The following SEC63 variants were observed in gnomAD, a reference collection of about 807,000 sequenced individuals.
The protein encoded by SEC63 is SEC63 protein translocation regulator, also known as translocation protein SEC63 homolog.
Under a neutral mutation model 116.2 loss-of-function variants are expected in SEC63, and 56 were observed. That is an observed-to-expected ratio of 0.48 (90% CI 0.39 to 0.60). The LOEUF (loss-of-function observed/expected upper bound fraction) is 0.60, where lower values mean the gene tolerates loss of function less well. Among genes scored for constraint, SEC63 ranks in the 20% least tolerant of loss-of-function variants. SEC63 has a pLI of 0.00. For missense variants in SEC63, 668 were observed against 900.0 expected (o/e 0.74, Z 3.30); for synonymous variants, 273 against 294.6 (o/e 0.93, Z 0.75).
rs1340511139 is a variant in SEC63 at position 107,912,731 on chromosome 6, C to T, written c.558G>A (p.Gln186=). ...GIALPAWIVD[Q]KNSILVLLVY... The stretch of plus-strand genomic sequence containing the variant: ...ATGCACTCACCAGAATTGAGTTTTT[C>T]TGGTCAACTATCCAAGCTGGCAGGG... Residue 186 remains glutamine, a synonymous_variant, in exon 6 of 21, where the codon CAG becomes CAA. Coordinates refer to ENST00000369002, the MANE Select transcript of SEC63 (RefSeq NM_007214.5). 1 of 1,610,254 alleles carries T rather than the reference C, an allele frequency of 6.2e-7. No individual in the cohort carries two copies. The highest frequency in any genetic ancestry group is 1.1e-5 in the South Asian group (1 of 90,938).
At chr6:107,896,627 C>G (rs1786838497) in intron 14 of SEC63, among the ~76,000 whole-genome samples, 1 of 152,122 alleles carries the variant, frequency 6.6e-6, no homozygotes, top group Non-Finnish European at 1.5e-5. Context: ...GAAGACGACA[C>G]ACAACAAGAT....
At chr6:107,905,488 G>A (rs772749298) in intron 10 of SEC63, among the ~76,000 whole-genome samples, 1 of 152,208 alleles carries the variant, frequency 6.6e-6, no homozygotes, top group East Asian at 1.9e-4. Flanking sequence ...CCTAGAGGTA[G>A]TAACTGTCTT....
intron 1 of SEC63, among the ~76,000 whole-genome samples, chr6:107,943,801 A>G (rs932434363): frequency 2.4e-4 from 36 of 152,334 alleles, no homozygotes; most frequent in Admixed American, 2.3e-3. Flanking sequence ...TGGAATGGAA[A>G]CAGCAAAGTG....
chr6:107,910,610 T>C (rs143641907), intron 7 of SEC63, among the ~76,000 whole-genome samples: 2 of 152,266 alleles, frequency 1.3e-5, no homozygotes, highest in East Asian at 1.9e-4. Flanking sequence ...ACACGTGTCA[T>C]ACATATATGC....
intron 13 of SEC63, among the ~76,000 whole-genome samples, chr6:107,899,733 G>T (rs1351657808): frequency 2.0e-5 from 3 of 151,094 alleles, no homozygotes; most frequent in Non-Finnish European, 1.5e-5. Flanking sequence ...AAAAAGAAAA[G>T]AAAAGAAAAG....
At chr6:107,925,968 C>T (rs1021061533) in intron 2 of SEC63, among the ~76,000 whole-genome samples, 7 of 152,120 alleles carry the variant, frequency 4.6e-5, no homozygotes, top group Non-Finnish European at 8.8e-5. Flanking sequence ...CAAGCACATG[C>T]CACCACACCC....
chr6:107,933,886 G>T (rs1207395412), intron 1 of SEC63, among the ~76,000 whole-genome samples: 4 of 152,230 alleles, frequency 2.6e-5, no homozygotes, highest in African/African-American at 9.6e-5. Context: ...ACGCCTGACT[G>T]GTTTTCGTAC....
intron 4 of SEC63, among the ~76,000 whole-genome samples, chr6:107,916,565 G>A (rs1411357221): frequency 1.3e-5 from 2 of 152,222 alleles, no homozygotes; most frequent in Non-Finnish European, 2.9e-5. Context: ...GCACTTTGCA[G>A]ATAATCGTGT....
intron 5 of SEC63, 146 bp downstream of exon 5, chr6:107,913,219 CA>C (rs1787326651): frequency 4.7e-6 from 3 of 639,474 alleles, no homozygotes; most frequent in Middle Eastern, 4.2e-4. Flanking sequence ...AAAAATAAAG[CA>C]AAAATTAATG....
intron 4 of SEC63, among the ~76,000 whole-genome samples, 157 bp from the exon 5 acceptor site, chr6:107,913,584 G>A (rs945197439): frequency 6.6e-6 from 1 of 152,132 alleles, no homozygotes; most frequent in Non-Finnish European, 1.5e-5. Flanking sequence ...AAAGGGAAAG[G>A]GAGGAGCAAG....
chr6:107,934,654 C>T (rs1459178790), intron 1 of SEC63, among the ~76,000 whole-genome samples: 5 of 134,760 alleles, frequency 3.7e-5, no homozygotes, highest in African/African-American at 1.1e-4. Flanking sequence ...CCAGCCACCC[C>T]GTCCAGGAGG....
intron 14 of SEC63, among the ~76,000 whole-genome samples, chr6:107,895,558 A>T: frequency 6.6e-6 from 1 of 152,088 alleles, no homozygotes; most frequent in Non-Finnish European, 1.5e-5. Context: ...AGAAAAAAAT[A>T]TATATATGTT....
At chr6:107,916,201 T>C (rs1464017085) in intron 4 of SEC63, among the ~76,000 whole-genome samples, 2 of 152,220 alleles carry the variant, frequency 1.3e-5, no homozygotes, top group African/African-American at 4.8e-5. Context: ...TCTGGAAATG[T>C]CTTTTTAAAT....
Position 107,929,207 on chromosome 6 carries a change from C to T in SEC63, c.224+208G>A, listed in dbSNP as rs1019184364. ...GATATGACTTATCTCTTTCTACCCCCGACCTCCAGCAACAGTATACTCCCC... is the reference window on the plus strand; with the variant it reads ...GATATGACTTATCTCTTTCTACCCCTGACCTCCAGCAACAGTATACTCCCC... On this transcript the variant is annotated intron_variant, in intron 2 of 20. Transcript: ENST00000369002. Among the ~76,000 whole-genome samples, 8 of 152,138 alleles carry T rather than the reference C, an allele frequency of 5.3e-5. No individual in the cohort carries two copies. In the East Asian group the frequency reaches 5.8e-4, roughly 11 times the overall value.
intron 19 of SEC63, among the ~76,000 whole-genome samples, chr6:107,876,182 A>T (rs953138206): frequency 2.4e-4 from 36 of 152,252 alleles, no homozygotes; most frequent in Admixed American, 2.3e-3. Context: ...AATTCCACTC[A>T]AGAAATCCAC....
In SEC63 at chr6:107,940,116, T is replaced by C. The variant is rs78411108; in HGVS notation, c.125-10602A>G. Among the ~76,000 whole-genome samples, 68 of 152,046 alleles carry C rather than the reference T, an allele frequency of 4.5e-4. No individual in the cohort carries two copies. The East Asian group carries it at 9.9e-3, about 22-fold the overall frequency. ...GAAACGTGGGTCCTACTTACACCTA[T>C]CCACTACACATACTCTGGCAATGGA... is the stretch of plus-strand genomic sequence containing the variant. On this transcript the variant is annotated intron_variant, in intron 1 of 20. Transcript: ENST00000369002.
chr6:107,891,557 T>G (rs1313022756), intron 16 of SEC63, among the ~76,000 whole-genome samples: 1 of 152,110 alleles, frequency 6.6e-6, no homozygotes, highest in Non-Finnish European at 1.5e-5. Flanking sequence ...TGAAACCTGC[T>G]TCTGTCAGTT....
At chr6:107,934,260 C>A (rs1483815596) in intron 1 of SEC63, among the ~76,000 whole-genome samples, 2 of 151,618 alleles carry the variant, frequency 1.3e-5, no homozygotes, top group Non-Finnish European at 2.9e-5. Context: ...AGCCGCCATC[C>A]CGTCTAGGAA....
chr6:107,915,841 T>C (rs1373626368), intron 4 of SEC63, among the ~76,000 whole-genome samples: 2 of 152,202 alleles, frequency 1.3e-5, no homozygotes, highest in African/African-American at 2.4e-5. Flanking sequence ...TATACCTTTA[T>C]CTAATATAGT....
Sources: allele counts gnomAD v4.1 joint callset (sites outside exome capture counted in the v4.1 genomes callset), GRCh38; gene constraint gnomAD v4.1.1; transcripts MANE v1.5; gene names NCBI Gene and HGNC (gene_info 2026-07-23, HGNC 2026-07-21).